The following FAM91A1 variants were observed in gnomAD, a reference collection of about 807,000 sequenced individuals.
FAM91A1 encodes the protein family with sequence similarity 91 member A1.
In FAM91A1, 41 loss-of-function variants were observed where a neutral mutation model predicts 113.5. The observed-to-expected ratio is 0.36, with a 90% confidence interval of 0.28 to 0.47. FAM91A1 has a LOEUF of 0.47. Among genes scored for constraint, FAM91A1 ranks in the 20% least tolerant of loss-of-function variants. The pLI is 1.00. For missense variants in FAM91A1, 696 were observed against 1,001.2 expected, an observed-to-expected ratio of 0.70 and a Z score of 4.11; for synonymous variants, 307 against 347.9, an observed-to-expected ratio of 0.88 and a Z score of 1.31.
intron 1 of FAM91A1, among the ~76,000 whole-genome samples, chr8:123,772,400 G>A (rs771489587): frequency 4.3e-4 from 65 of 152,210 alleles, no homozygotes; most frequent in Non-Finnish European, 5.4e-4. Flanking sequence ...ACCTTTAAAA[G>A]TGTGCTATTT....
chr8:123,776,485 G>A (rs755385499), intron 3 of FAM91A1, among the ~76,000 whole-genome samples: 9 of 152,188 alleles, frequency 5.9e-5, no homozygotes, highest in Non-Finnish European at 1.2e-4. Context: ...GGAGGAAAGC[G>A]AGAGGCCCGA....
intron 3 of FAM91A1, among the ~76,000 whole-genome samples, chr8:123,776,749 AG>A (rs1814992356): frequency 6.6e-6 from 1 of 152,218 alleles, no homozygotes; most frequent in South Asian, 2.1e-4. Context: ...CCCCACAGGA[AG>A]CAGTGGGTTT....
chr8:123,780,317 G>A (rs72715030), intron 7 of FAM91A1, among the ~76,000 whole-genome samples, 163 bp from the exon 8 acceptor site: 6,644 of 152,190 alleles, frequency 0.044, 264 homozygotes, highest in African/African-American at 0.098. Context: ...GCAGGAAACC[G>A]AGATTTAAAA....
rs773969528 is a variant in FAM91A1 at position 123,768,709 on chromosome 8, A to G, written c.7A>G (p.Ile3Val). The change falls in exon 1 of 24, where the codon ATA becomes GTA. Residue 3 changes from isoleucine to valine, a missense_variant. Transcript: ENST00000334705. ...CGGCCCTGGCCGCGGCATCATGAAC[A>G]TAGACGTGGAGTTCCACATCCGGCA... MNIDVEFHIRHNY... is the reference protein window; with the variant it reads MNVDVEFHIRHNY... 1.3e-5 allele frequency: 21 copies of G among 1,606,514 alleles called. No individual in the cohort carries two copies. The highest frequency in any genetic ancestry group is 1.5e-5 in the Non-Finnish European group (18 of 1,176,704).
chr8:123,815,169 A>G lies in FAM91A1; in HGVS notation c.*2465A>G, dbSNP rs1171006206. The G allele has an allele frequency of 6.6e-6, 1 of 152,562 alleles. No individual in the cohort carries two copies. Among genetic ancestry groups the G allele is most frequent in the Non-Finnish European group, 1.5e-5 (1 of 68,022 alleles). The allele number at this position is 152,562 out of a possible 1,614,324, so 9.5% of individuals were successfully genotyped here. On this transcript the variant is annotated 3_prime_UTR_variant, in exon 24 of 24. Transcript: ENST00000334705. ...TGTTTCTTTTTTAAATTATGTAATCAGATGATTTTATGTTTTTTTTTCAGG... is the reference window on the plus strand; with the variant it reads ...TGTTTCTTTTTTAAATTATGTAATCGGATGATTTTATGTTTTTTTTTCAGG...
intron 1 of FAM91A1, among the ~76,000 whole-genome samples, chr8:123,770,403 A>G (rs915098409): frequency 1.6e-4 from 25 of 152,246 alleles, no homozygotes; most frequent in African/African-American, 5.5e-4. Flanking sequence ...AGATAAATTT[A>G]AAGAACTTGA....
chr8:123,784,348 A>G, intron 8 of FAM91A1, 122 bp from the exon 9 acceptor site: 1 of 639,142 alleles, frequency 1.6e-6, no homozygotes, highest in Non-Finnish European at 2.5e-6. Context: ...GTGGATAAAT[A>G]AATCAAAAGC....
chr8:123,780,180 T>G (rs989125024), intron 7 of FAM91A1, 105 bp downstream of exon 7: 8 of 962,176 alleles, frequency 8.3e-6, no homozygotes, highest in Non-Finnish European at 1.1e-5. Flanking sequence ...AGTACTAGTT[T>G]CTAAGGCATG....
intron 8 of FAM91A1, among the ~76,000 whole-genome samples, 192 bp from the exon 9 acceptor site, chr8:123,784,278 G>T (rs1815196979): frequency 6.6e-6 from 1 of 152,092 alleles, no homozygotes; most frequent in African/African-American, 2.4e-5. Context: ...TGGATTTCGT[G>T]TCTACCTTCA....
chr8:123,813,883 A>G lies in FAM91A1; in HGVS notation c.*1179A>G. On this transcript the variant is annotated 3_prime_UTR_variant, in exon 24 of 24. Coordinates refer to ENST00000334705, the MANE Select transcript of FAM91A1 (RefSeq NM_144963.4). ...GCTAGTTTAAAACTGTAACCAAACG[A>G]ACTGGTCAGACAACATATATCTAAA... The G allele has an allele frequency of 5.7e-6, 1 of 176,156 alleles. No individual in the cohort carries two copies. The highest frequency in any genetic ancestry group is 1.2e-5 in the Non-Finnish European group (1 of 83,046). The allele number at this position is 176,156 out of a possible 1,614,324, so 10.9% of individuals were successfully genotyped here.
rs200708730 is a variant in FAM91A1, at chr8:123,799,903, G to T, written c.1809+18G>T. 2.8e-5 allele frequency: 43 copies of T among 1,542,204 alleles called. No homozygotes were observed. Among genetic ancestry groups the T allele is most frequent in the Non-Finnish European group, 3.5e-5 (40 of 1,137,666 alleles). On this transcript the variant is annotated intron_variant, in intron 18 of 23. Coordinates refer to ENST00000334705, the MANE Select transcript of FAM91A1 (RefSeq NM_144963.4). ...TAATTCAGGTACATTTATCTTATTTGAAATTTTGTCTTTTTATTATAAAGT... is the reference window on the plus strand; with the variant it reads ...TAATTCAGGTACATTTATCTTATTTTAAATTTTGTCTTTTTATTATAAAGT...
chr8:123,779,765 C>T (rs1383827240), intron 6 of FAM91A1, among the ~76,000 whole-genome samples: 3 of 152,146 alleles, frequency 2.0e-5, no homozygotes, highest in Admixed American at 2.0e-4. Flanking sequence ...TTGGTACTTA[C>T]AGTAAGTTTG....
intron 15 of FAM91A1, among the ~76,000 whole-genome samples, chr8:123,792,838 C>T (rs1586384302): frequency 6.6e-6 from 1 of 152,160 alleles, no homozygotes; most frequent in African/African-American, 2.4e-5. Flanking sequence ...AGGTGAATTC[C>T]CCACTCCCTT....
rs184388801 is a variant in FAM91A1, at chr8:123,796,080, C to T, written c.1412-2010C>T. ...CTGGACAGTGGTCCTGGTTAACCCACGCAGAACCCGCATGTGTTCAACACT... is the reference window on the plus strand; with the variant it reads ...CTGGACAGTGGTCCTGGTTAACCCATGCAGAACCCGCATGTGTTCAACACT... On this transcript the variant is annotated intron_variant, in intron 15 of 23. Coordinates refer to ENST00000334705, the MANE Select transcript of FAM91A1 (RefSeq NM_144963.4). Among the ~76,000 whole-genome samples the T allele has an allele frequency of 2.6e-3, 391 of 152,288 alleles. 2 individuals are homozygous for T. The highest frequency in any genetic ancestry group is 4.7e-3 in the Non-Finnish European group (318 of 68,020).
chr8:123,812,390 G>A lies in FAM91A1; in HGVS notation c.2332-129G>A, dbSNP rs79019898. Reference sequence around the variant, plus strand: ...CTTTGGGCTCACAGTGTAGATCTTTGCATCTCCTGTACTGCTTTGCAATCC... The same window carrying A: ...CTTTGGGCTCACAGTGTAGATCTTTACATCTCCTGTACTGCTTTGCAATCC... On this transcript the variant is annotated intron_variant, in intron 23 of 23. Transcript: ENST00000334705. 5,131 of 653,982 alleles carry A rather than the reference G, an allele frequency of 7.8e-3. 185 individuals are homozygous for A. In the African/African-American group the frequency reaches 0.083, roughly 11 times the overall value. 40.5% of individuals were successfully genotyped at this position (653,982 alleles called of 1,614,324 possible).
chr8:123,797,955 GTACTTCTTAATAGAGT>G, intron 15 of FAM91A1, 119 bp from the exon 16 acceptor site: 3 of 977,496 alleles, frequency 3.1e-6, no homozygotes. Context: ...AGGAAATTTG[GTACTTCTTAATAGAGT>G]TACTTTACCT....
chr8:123,810,238 C>G (rs755619733), intron 22 of FAM91A1, 44 bp from the exon 23 acceptor site: 1 of 1,562,288 alleles, frequency 6.4e-7, no homozygotes, highest in African/African-American at 1.4e-5. Context: ...TCATTCTTGC[C>G]TTTATGTTTG....
chr8:123,776,648 T>A (rs1056905268), intron 3 of FAM91A1, among the ~76,000 whole-genome samples: 1 of 152,214 alleles, frequency 6.6e-6, no homozygotes, highest in African/African-American at 2.4e-5. Context: ...ACTTATCAGC[T>A]TTCATTTCAG....
intron 15 of FAM91A1, among the ~76,000 whole-genome samples, chr8:123,797,574 C>T (rs1029581289): frequency 8.6e-5 from 13 of 152,010 alleles, no homozygotes; most frequent in Non-Finnish European, 1.9e-4. Context: ...TTTTTTCTTC[C>T]TTATGATTTT....
Sources: gnomAD v4.1 joint callset for allele counts (sites outside exome capture counted in the v4.1 genomes callset) on GRCh38, gnomAD v4.1.1 for gene constraint, MANE v1.5 for transcripts, NCBI Gene and HGNC (gene_info 2026-07-23, HGNC 2026-07-21) for gene names.